GNAS-AS1: variants seen among roughly 807,000 people sequenced by gnomAD.
GNAS-AS1 encodes GNAS antisense RNA 1 (non-protein coding).
intron 4 of GNAS-AS1, chr20:58,826,937 C>A (rs2085525505): frequency 7.0e-6 from 1 of 142,220 alleles, no homozygotes; most frequent in African/African-American, 2.6e-5. Flanking sequence ...GTCTTGAACT[C>A]CTGACCTCAA....
intron 4 of GNAS-AS1, among the ~76,000 whole-genome samples, chr20:58,825,347 G>A (rs2085512367): frequency 6.6e-6 from 1 of 152,184 alleles, no homozygotes; most frequent in Non-Finnish European, 1.5e-5. Context: ...GAGTCCAGAT[G>A]AGCATTTCTC....
intron 2 of GNAS-AS1, chr20:58,848,787 G>A (rs1179380789): frequency 1.0e-5 from 4 of 397,700 alleles, no homozygotes; most frequent in African/African-American, 6.2e-5. Context: ...GGCCTTGCAG[G>A]TGCCACAGGT....
At chr20:58,824,397 G>C (rs948652816) in intron 4 of GNAS-AS1, among the ~76,000 whole-genome samples, 5 of 152,194 alleles carry the variant, frequency 3.3e-5, no homozygotes, top group African/African-American at 1.2e-4. Flanking sequence ...TCTTCTGAGG[G>C]TTCTTAATTT....
At chr20:58,823,126 G>A (rs2085496831) in intron 4 of GNAS-AS1, among the ~76,000 whole-genome samples, 1 of 152,228 alleles carries the variant, frequency 6.6e-6, no homozygotes, top group African/African-American at 2.4e-5. Context: ...GCAATGCAGT[G>A]GCCTCCAAAT....
At chr20:58,845,340 CCT>C (rs1340442405) in intron 2 of GNAS-AS1, among the ~76,000 whole-genome samples, 2 of 152,120 alleles carry the variant, frequency 1.3e-5, no homozygotes, top group African/African-American at 2.4e-5. Flanking sequence ...TGATCACTCC[CCT>C]CTTCGCTTCT....
chr20:58,831,908 G>T (rs1049074269), intron 4 of GNAS-AS1, among the ~76,000 whole-genome samples: 1 of 152,076 alleles, frequency 6.6e-6, no homozygotes, highest in African/African-American at 2.4e-5. Flanking sequence ...AATAAATTTG[G>T]CTTGATGAAA....
chr20:58,845,403 G>A (rs1280143827), intron 2 of GNAS-AS1, among the ~76,000 whole-genome samples: 6 of 151,884 alleles, frequency 4.0e-5, no homozygotes, highest in Non-Finnish European at 8.8e-5. Flanking sequence ...TAATACCATG[G>A]ACATACAGCT....
Position 58,840,544 on chromosome 20 carries a change from C to T in GNAS-AS1, n.819+1393G>A, listed in dbSNP as rs771080206. 2.5e-6 allele frequency: 4 copies of T among 1,613,316 alleles called. No individual in the cohort carries two copies. Among genetic ancestry groups the T allele is most frequent in the Non-Finnish European group, 2.5e-6 (3 of 1,180,004 alleles). The stretch of plus-strand genomic sequence containing the variant: ...AGACCGAGCCTGAAGACGATCGCGG[C>T]CCGGTGGTGCCCAAGCACTCCACCT... On this transcript the variant is annotated intron_variant and non_coding_transcript_variant, in intron 4 of 4. Coordinates refer to ENST00000424094, the Ensembl canonical transcript of GNAS-AS1. The surrounding 1 kb of genome is among the most constrained non-coding windows in gnomAD (Gnocchi z 6.0).
chr20:58,841,714 C>T lies in GNAS-AS1; in HGVS notation n.819+223G>A. 1 of 1,217,358 alleles carries T rather than the reference C, an allele frequency of 8.2e-7. No homozygotes were observed. The highest frequency in any genetic ancestry group is 1.6e-5 in the African/African-American group (1 of 64,252). The allele number at this position is 1,217,358 out of a possible 1,614,324, so 75.4% of individuals were successfully genotyped here. A position where few individuals can be genotyped will look rare whatever the true frequency, so the allele number is the denominator to read the frequency against. ...AAGGGGACCCTTGGGGATGCCCCTA[C>T]GGGCTACCAGGGTTGAACGCACAGG... On this transcript the variant is annotated intron_variant and non_coding_transcript_variant, in intron 4 of 4. Coordinates refer to ENST00000424094, the Ensembl canonical transcript of GNAS-AS1. The surrounding 1 kb of genome is among the most constrained non-coding windows in gnomAD (Gnocchi z 5.0).
At chr20:58,843,205 AATT>A (rs2085808379) in intron 2 of GNAS-AS1, 1 of 36,704 alleles carries the variant, frequency 2.7e-5, no homozygotes, top group African/African-American at 1.0e-4. Flanking sequence ...TCCCCCGCTC[AATT>A]CTCCTCCCCC....
intron 4 of GNAS-AS1, chr20:58,839,621 T>C (rs2085647933): frequency 4.7e-6 from 2 of 421,978 alleles, no homozygotes; most frequent in South Asian, 1.8e-4. Context: ...CACTAGGGTC[T>C]GCGCCACAGG....
intron 3 of GNAS-AS1, chr20:58,842,350 T>C (rs1007162925): frequency 1.5e-5 from 6 of 397,872 alleles, no homozygotes; most frequent in Admixed American, 8.8e-5. Context: ...TTTGGAGGAA[T>C]AGTAAAGCGT....
intron 4 of GNAS-AS1, among the ~76,000 whole-genome samples, chr20:58,830,339 TCACCACCA>T (rs2085550713): frequency 3.5e-5 from 1 of 28,222 alleles, no homozygotes; most frequent in Non-Finnish European, 7.1e-5. Context: ...ACCACCACCA[TCACCACCA>T]CACCACCATC....
chr20:58,838,820 G>A (rs934883186), intron 4 of GNAS-AS1: 2 of 391,556 alleles, frequency 5.1e-6, no homozygotes, highest in African/African-American at 4.2e-5. Context: ...AGGAGGCTTA[G>A]GTAGGAGAAT....
Position 58,840,914 on chromosome 20 carries a change from G to C in GNAS-AS1, n.819+1023C>G. The C allele has an allele frequency of 1.9e-6, 3 of 1,609,958 alleles. No homozygotes were observed. Among genetic ancestry groups the C allele is most frequent in the Non-Finnish European group, 2.5e-6 (3 of 1,178,456 alleles). Reference sequence around the variant, plus strand: ...TAGTTGCCCACCGCTAAACTGGGGAGCCTGAGGGCGGTGTGGGAGCAGCGC... The same window carrying C: ...TAGTTGCCCACCGCTAAACTGGGGACCCTGAGGGCGGTGTGGGAGCAGCGC... On this transcript the variant is annotated intron_variant and non_coding_transcript_variant, in intron 4 of 4. Coordinates refer to ENST00000424094, the Ensembl canonical transcript of GNAS-AS1. This position sits in a 1 kb window ranked among gnomAD's most constrained non-coding sequence, Gnocchi z 6.0.
chr20:58,820,768 C>T (rs546429371), intron 4 of GNAS-AS1, among the ~76,000 whole-genome samples: 2 of 152,320 alleles, frequency 1.3e-5, no homozygotes, highest in Admixed American at 6.5e-5. Context: ...GGCAAACTCC[C>T]GTTTTTTAAA....
intron 4 of GNAS-AS1, among the ~76,000 whole-genome samples, chr20:58,827,409 C>T (rs2085528295): frequency 6.6e-6 from 1 of 152,176 alleles, no homozygotes; most frequent in African/African-American, 2.4e-5. Flanking sequence ...CACTGGTTGC[C>T]TCGTAGAGAA....
rs1158024071 is a variant in GNAS-AS1 at position 58,838,790 on chromosome 20, G to A, written n.819+3147C>T. The A allele has an allele frequency of 3.4e-5, 13 of 387,742 alleles. No individual in the cohort carries two copies. In the South Asian group the frequency reaches 1.7e-3, roughly 52 times the overall value. 24.0% of individuals were successfully genotyped at this position (387,742 alleles called of 1,614,324 possible). A position where few individuals can be genotyped will look rare whatever the true frequency, so the allele number is the denominator to read the frequency against. ...AAATTAGCCGAGCGTAGTGGTGCAC[G>A]CCTGTAATCCCAGCTACTCAGGAGG... On this transcript the variant is annotated intron_variant and non_coding_transcript_variant, in intron 4 of 4. Coordinates refer to ENST00000424094, the Ensembl canonical transcript of GNAS-AS1.
intron 4 of GNAS-AS1, among the ~76,000 whole-genome samples, chr20:58,819,896 G>A (rs114307124): frequency 0.017 from 2,638 of 152,296 alleles, 81 homozygotes; most frequent in African/African-American, 0.06. Flanking sequence ...TAGAACAGCT[G>A]GGACCCGGAC....
Sources: allele counts gnomAD v4.1 joint callset (sites outside exome capture counted in the v4.1 genomes callset), GRCh38; gene constraint gnomAD v4.1.1; non-coding constraint Gnocchi (gnomAD v3.1); transcripts MANE v1.5; gene names NCBI Gene and HGNC (gene_info 2026-07-23, HGNC 2026-07-21).